Variants in MUC22 observed in about 807,000 individuals in gnomAD.
MUC22 encodes the protein mucin 22.
A neutral mutation model predicts 40.3 loss-of-function variants in MUC22; 24 were observed. The ratio of observed to expected loss-of-function variants is 0.60; its 90% CI spans 0.43 to 0.84. The LOEUF is 0.84. MUC22 is among the 40% of genes least tolerant of loss of function. The pLI is 0.00. For synonymous variants in MUC22, 765 were observed against 844.5 expected (o/e 0.91, Z 1.63); for missense variants, 1,926 against 2,130.7 (o/e 0.90, Z 1.89).
exon 2 of MUC22, chr6:31,028,733 A>C (rs1467769440): frequency 6.6e-7 from 1 of 1,520,024 alleles, no homozygotes; most frequent in African/African-American, 1.5e-5. Flanking sequence ...ACCTCTACTG[A>C]AGGCTCTGAG....
At chr6:31,033,932 A>G (rs1766262862) in intron 3 of MUC22, among the ~76,000 whole-genome samples, 1 of 152,264 alleles carries the variant, frequency 6.6e-6, no homozygotes, top group Non-Finnish European at 1.5e-5. Flanking sequence ...GGACTACATA[A>G]TAAATACCAG....
exon 4 of MUC22, chr6:31,035,242 T>TTA: frequency 2.6e-6 from 1 of 381,096 alleles, no homozygotes; most frequent in Non-Finnish European, 4.7e-6. Flanking sequence ...CAGCCTCTGT[T>TTA]GTGGGGAGTC....
At chr6:31,020,840 G>C (rs1296066820) in intron 1 of MUC22, among the ~76,000 whole-genome samples, 2 of 152,320 alleles carry the variant, frequency 1.3e-5, no homozygotes, top group African/African-American at 2.4e-5. Flanking sequence ...TGCAGGCCCC[G>C]GGCAGTGAGG....
At chr6:31,010,596 A>G in exon 1 of MUC22, 1 of 641,970 alleles carries the variant, frequency 1.6e-6, no homozygotes, top group Non-Finnish European at 2.8e-6. Flanking sequence ...GTGCAACTTT[A>G]TTTTCTATCA....
At chr6:31,012,462 C>A (rs1325631864) in intron 1 of MUC22, among the ~76,000 whole-genome samples, 3 of 152,148 alleles carry the variant, frequency 2.0e-5, no homozygotes, top group African/African-American at 7.2e-5. Context: ...AACAAGAGTC[C>A]CCTTACCTCA....
At chr6:31,014,872 A>G (rs2150747402) in intron 1 of MUC22, among the ~76,000 whole-genome samples, 1 of 152,330 alleles carries the variant, frequency 6.6e-6, no homozygotes, top group Admixed American at 6.5e-5. Context: ...AAGTGCAGCC[A>G]CAAGAGGAGA....
chr6:31,028,293 C>G, exon 2 of MUC22: 1 of 1,534,812 alleles, frequency 6.5e-7, no homozygotes, highest in Non-Finnish European at 8.7e-7. Context: ...GCTCTGAGAC[C>G]ACTAAAGTTT....
At chr6:31,033,744 A>G (rs1766247481) in intron 3 of MUC22, among the ~76,000 whole-genome samples, 1 of 152,236 alleles carries the variant, frequency 6.6e-6, no homozygotes, top group Non-Finnish European at 1.5e-5. Context: ...CACCACAGCA[A>G]TTGTCAAACA....
At chr6:31,013,265 T>C (rs1254987386) in intron 1 of MUC22, among the ~76,000 whole-genome samples, 1 of 151,854 alleles carries the variant, frequency 6.6e-6, no homozygotes, top group East Asian at 1.9e-4. Flanking sequence ...TAGCTGGGAC[T>C]ACAGGCGCAC....
intron 1 of MUC22, among the ~76,000 whole-genome samples, chr6:31,020,839 C>T (rs1052362202): frequency 2.8e-4 from 42 of 152,332 alleles, no homozygotes; most frequent in Admixed American, 1.0e-3. Context: ...CTGCAGGCCC[C>T]GGGCAGTGAG....
At position 31,026,732 on chromosome 6, in the gene MUC22, C is replaced by T. The variant is rs1765398376; in HGVS notation, c.1301C>T (p.Ser434Leu). The T allele has an allele frequency of 1.5e-5, 22 of 1,506,200 alleles. 3 individuals carry two copies. The highest frequency in any genetic ancestry group is 2.4e-5 in the South Asian group (2 of 82,044). The allele number at this position is 1,506,200 out of a possible 1,614,324, so 93.3% of individuals were successfully genotyped here. Reference sequence around the variant, plus strand: ...ATGACCACAGTCTTCACTGCAGGCTCGGAAACCATCACACCCTCTACTGCA... The same window carrying T: ...ATGACCACAGTCTTCACTGCAGGCTTGGAAACCATCACACCCTCTACTGCA... Residue 434 changes from serine (S) to leucine (L), a missense_variant, in exon 2 of 4, where the codon TCG (serine) becomes TTG (leucine). Transcript: ENST00000561890.
chr6:31,034,924 G>T lies in MUC22; in HGVS notation c.5308G>T (p.Gly1770Ter), dbSNP rs1337264597. Reference sequence around the variant, plus strand: ...GAATCATGGCGGGCATTATGGACATGGAGGAGGCCACTGAGGACACCATGG... The same window carrying T: ...GAATCATGGCGGGCATTATGGACATTGAGGAGGCCACTGAGGACACCATGG... The change falls in exon 4 of 4, where the codon GGA (glycine) becomes TGA (stop). Residue 1770 changes from glycine (G) to a stop codon, truncating the protein, a stop_gained. Transcript: ENST00000561890. LOFTEE classifies it high-confidence loss of function. 2.0e-6 allele frequency: 3 copies of T among 1,535,560 alleles called. No individual in the cohort carries two copies. The highest frequency in any genetic ancestry group is 2.4e-5 in the South Asian group (2 of 84,056).
exon 2 of MUC22, chr6:31,030,039 G>A: frequency 5.9e-6 from 9 of 1,535,290 alleles, no homozygotes; most frequent in South Asian, 1.2e-5. Context: ...CTTCCACCAC[G>A]TTTGTACTCA....
intron 1 of MUC22, among the ~76,000 whole-genome samples, chr6:31,021,892 A>G (rs1764788491): frequency 6.7e-6 from 1 of 149,998 alleles, no homozygotes; most frequent in African/African-American, 2.4e-5. Flanking sequence ...TCTTTGCAAT[A>G]GATTTTGCTA....
intron 1 of MUC22, among the ~76,000 whole-genome samples, chr6:31,019,737 C>T (rs529571431): frequency 6.6e-6 from 1 of 152,290 alleles, no homozygotes; most frequent in South Asian, 2.1e-4. Flanking sequence ...GTCTGTATTT[C>T]CAGCTACTCA....
At chr6:31,022,942 C>A (rs75990476) in intron 1 of MUC22, among the ~76,000 whole-genome samples, 7,023 of 152,036 alleles carry the variant, frequency 0.046, 281 homozygotes, top group East Asian at 0.1. Flanking sequence ...CCAGCCTGGG[C>A]AACGTGGTGA....
chr6:31,029,151 T>G, exon 2 of MUC22: 2 of 1,520,870 alleles, frequency 1.3e-6, no homozygotes, highest in Non-Finnish European at 1.8e-6. Flanking sequence ...CAGTCTCTAC[T>G]GCAGGCTCTG....
intron 1 of MUC22, among the ~76,000 whole-genome samples, chr6:31,017,803 G>A (rs531475611): frequency 2.7e-4 from 41 of 152,180 alleles, no homozygotes; most frequent in Admixed American, 1.9e-3. Context: ...ACCAGATAAG[G>A]GAATAAAAGC....
upstream of MUC22, among the ~76,000 whole-genome samples, chr6:31,006,401 A>T (rs1763524152): frequency 1.3e-5 from 2 of 152,200 alleles, no homozygotes; most frequent in Non-Finnish European, 2.9e-5. Context: ...GTCAAGAGTC[A>T]ATGGTTGCCA....
Sources: gnomAD v4.1 joint callset for allele counts (sites outside exome capture counted in the v4.1 genomes callset) on GRCh38, gnomAD v4.1.1 for gene constraint, MANE v1.5 for transcripts, NCBI Gene and HGNC (gene_info 2026-07-23, HGNC 2026-07-21) for gene names.